The following GRIN2A variants were observed in gnomAD, a reference collection of about 807,000 sequenced individuals.
The protein encoded by GRIN2A is glutamate ionotropic receptor NMDA type subunit 2A.
A neutral mutation model predicts 113.4 loss-of-function variants in GRIN2A; 22 were observed. The ratio of observed to expected loss-of-function variants is 0.19; its 90% CI spans 0.14 to 0.28. GRIN2A has a LOEUF of 0.28. Ranked by LOEUF, GRIN2A falls within the 10% of genes least tolerant of loss-of-function variation. The pLI, the probability that GRIN2A is intolerant of heterozygous loss-of-function variation, is 1.00. For synonymous variants in GRIN2A, 827 were observed against 738.4 expected, an observed-to-expected ratio of 1.12 and a Z score of -1.94; for missense variants, 1,502 against 1,887.0, an observed-to-expected ratio of 0.80 and a Z score of 3.78.
intron 8 of GRIN2A, among the ~76,000 whole-genome samples, chr16:9,833,006 C>T (rs953331848): frequency 2.0e-5 from 3 of 152,264 alleles, no homozygotes; most frequent in South Asian, 4.2e-4. Context: ...TTAAAGTGCT[C>T]TGCTTTTTGG....
At chr16:10,136,598 C>A (rs757025908) in intron 2 of GRIN2A, among the ~76,000 whole-genome samples, 1 of 152,124 alleles carries the variant, frequency 6.6e-6, no homozygotes, top group South Asian at 2.1e-4. Context: ...CAATATTTTG[C>A]TCTGCATATT....
chr16:9,884,961 T>C (rs1179048775), intron 4 of GRIN2A, among the ~76,000 whole-genome samples: 1 of 151,640 alleles, frequency 6.6e-6, no homozygotes, highest in African/African-American at 2.4e-5. Context: ...ATGGTCTCCA[T>C]CTCCTGACCT....
chr16:9,783,768 A>G (rs1203015094), intron 11 of GRIN2A, among the ~76,000 whole-genome samples: 8 of 152,238 alleles, frequency 5.3e-5, no homozygotes, highest in African/African-American at 1.9e-4. Flanking sequence ...CAATCACAGG[A>G]TAAAATGTTT....
intron 4 of GRIN2A, among the ~76,000 whole-genome samples, chr16:9,861,795 C>T (rs541302549): frequency 6.6e-6 from 1 of 152,296 alleles, no homozygotes; most frequent in Admixed American, 6.5e-5. Flanking sequence ...TGGGTCAAAC[C>T]TGCTCTGTCT....
chr16:9,970,778 G>C (rs2045655294), intron 2 of GRIN2A: 1 of 932,684 alleles, frequency 1.1e-6, no homozygotes, highest in South Asian at 5.0e-5. Context: ...CTCTCAACAG[G>C]AGAAATATTG....
chr16:10,151,391 CAG>C (rs2049567641), intron 2 of GRIN2A, among the ~76,000 whole-genome samples: 2 of 152,132 alleles, frequency 1.3e-5, no homozygotes, highest in African/African-American at 4.8e-5. Flanking sequence ...GCATTCTAGA[CAG>C]AGGTAACAAC....
At chr16:9,858,308 G>A (rs1427992173) in intron 4 of GRIN2A, among the ~76,000 whole-genome samples, 1 of 152,138 alleles carries the variant, frequency 6.6e-6, no homozygotes, top group Non-Finnish European at 1.5e-5. Context: ...TATGTATCAG[G>A]CACCATTCTT....
At chr16:10,136,567 C>T (rs1190591483) in intron 2 of GRIN2A, among the ~76,000 whole-genome samples, 1 of 144,232 alleles carries the variant, frequency 6.9e-6, no homozygotes, top group East Asian at 2.5e-4. Flanking sequence ...TAAACTATCT[C>T]ATTAAAAAAA....
At chr16:9,868,009 A>G (rs1021086107) in intron 4 of GRIN2A, among the ~76,000 whole-genome samples, 11 of 152,184 alleles carry the variant, frequency 7.2e-5, no homozygotes, top group African/African-American at 2.7e-4. Context: ...TCTGCCATAT[A>G]GGAGTTCTTG....
chr16:9,947,457 T>C (rs1243929468), intron 2 of GRIN2A, among the ~76,000 whole-genome samples: 1 of 152,274 alleles, frequency 6.6e-6, no homozygotes, highest in Non-Finnish European at 1.5e-5. Flanking sequence ...GCTGCTGAAC[T>C]GAAGGAAGCA....
At position 9,921,309 on chromosome 16, in the gene GRIN2A, C is replaced by T. The variant is rs573716878; in HGVS notation, c.1007+16650G>A. Reference sequence around the variant, plus strand: ...TCTAAAGACAAGCAAATGTCTCCTACCCACAAGGGAGAGATCTTTGTACCA... The same window carrying T: ...TCTAAAGACAAGCAAATGTCTCCTATCCACAAGGGAGAGATCTTTGTACCA... On this transcript the variant is annotated intron_variant, in intron 3 of 12. Transcript: ENST00000330684. Among the ~76,000 whole-genome samples the T allele has an allele frequency of 5.3e-5, 8 of 152,290 alleles. No homozygotes were observed. In the South Asian group the frequency reaches 1.7e-3, roughly 32 times the overall value.
At chr16:9,879,187 A>G (rs1367582761) in intron 4 of GRIN2A, among the ~76,000 whole-genome samples, 2 of 152,218 alleles carry the variant, frequency 1.3e-5, no homozygotes, top group African/African-American at 4.8e-5. Flanking sequence ...AAGGAAACAA[A>G]TTAAATTCCA....
At chr16:10,015,500 A>T (rs2046593216) in intron 2 of GRIN2A, among the ~76,000 whole-genome samples, 1 of 150,420 alleles carries the variant, frequency 6.6e-6, no homozygotes, top group Non-Finnish European at 1.5e-5. Context: ...GCAAAATAAT[A>T]ACAAAAATAT....
At chr16:9,965,222 C>A in intron 2 of GRIN2A, among the ~76,000 whole-genome samples, 1 of 152,190 alleles carries the variant, frequency 6.6e-6, no homozygotes, top group East Asian at 1.9e-4. Context: ...GTTTCAGCAT[C>A]TCCATACCAA....
chr16:9,867,600 A>G (rs2043181988), intron 4 of GRIN2A, among the ~76,000 whole-genome samples: 1 of 152,166 alleles, frequency 6.6e-6, no homozygotes, highest in Non-Finnish European at 1.5e-5. Context: ...AGTGGTTTTC[A>G]CTAAATCCAA....
At chr16:10,176,980 G>T (rs927086023) in intron 2 of GRIN2A, among the ~76,000 whole-genome samples, 2 of 152,178 alleles carry the variant, frequency 1.3e-5, no homozygotes, top group African/African-American at 4.8e-5. Flanking sequence ...TATAACACAC[G>T]TGTGTTCTGG....
At chr16:10,026,498 AG>A (rs34631384) in intron 2 of GRIN2A, among the ~76,000 whole-genome samples, 45,802 of 151,362 alleles carry the variant, frequency 0.3, 7,960 homozygotes, top group Non-Finnish European at 0.39. Flanking sequence ...CATTAGAGAG[AG>A]AAAAAAGAAA....
At chr16:9,913,992 A>C (rs1030745712) in intron 3 of GRIN2A, among the ~76,000 whole-genome samples, 7 of 152,190 alleles carry the variant, frequency 4.6e-5, no homozygotes, top group African/African-American at 1.7e-4. Flanking sequence ...ACAAAATTAC[A>C]AAATCCATTA....
At chr16:9,766,752 AAATC>A (rs574207789) in intron 12 of GRIN2A, among the ~76,000 whole-genome samples, 35 of 151,964 alleles carry the variant, frequency 2.3e-4, no homozygotes, top group Middle Eastern at 3.4e-3. Flanking sequence ...AAATCAAATC[AAATC>A]AATCAATCAA....
Sources: allele counts gnomAD v4.1 joint callset (sites outside exome capture counted in the v4.1 genomes callset), GRCh38; gene constraint gnomAD v4.1.1; transcripts MANE v1.5; gene names NCBI Gene and HGNC (gene_info 2026-07-23, HGNC 2026-07-21).